OR9A4: variants seen among roughly 807,000 people sequenced by gnomAD.
OR9A4 encodes olfactory receptor family 9 subfamily A member 4.
OR9A4 carries 16 observed loss-of-function variants against 17.1 expected under a neutral mutation model. The observed-to-expected ratio is 0.94, with a 90% CI of 0.64 to 1.43. The LOEUF (loss-of-function observed/expected upper bound fraction) is 1.43. OR9A4 is among the 40% of genes most tolerant of loss of function. OR9A4 has a pLI of 0.00. For synonymous variants in OR9A4, 167 were observed against 143.3 expected, an observed-to-expected ratio of 1.17 and a Z score of -1.18; for missense variants, 392 against 382.1, an observed-to-expected ratio of 1.03 and a Z score of -0.22.
intron 1 of OR9A4, 137 bp from the exon 2 acceptor site, chr7:141,918,709 T>G (rs1231829140): frequency 1.7e-6 from 1 of 583,720 alleles, no homozygotes; most frequent in East Asian, 2.7e-5. Context: ...CTTCATGAAG[T>G]ATTTGACATC....
Position 141,918,957 on chromosome 7 carries a change from G to C in OR9A4, c.82G>C (p.Ala28Pro). The C allele has an allele frequency of 6.2e-7, 1 of 1,613,320 alleles. No homozygotes were observed. Among genetic ancestry groups the C allele is most frequent in the Non-Finnish European group, 8.5e-7 (1 of 1,179,798 alleles). Residue 28 changes from alanine to proline, a missense_variant, in exon 2 of 2, where the codon GCT becomes CCT. Physicochemically the swap from Ala to Pro is conservative, Grantham distance 27 (BLOSUM62 -1). Coordinates refer to ENST00000641559, the MANE Select transcript of OR9A4 (RefSeq NM_001001656.3). ...GSEELHHILFAIFFFFYLVTL... is the reference protein window; with the variant it reads ...GSEELHHILFPIFFFFYLVTL... ...TGAAGAACTACATCATATCCTTTTT[G>C]CTATATTCTTCTTTTTCTACTTGGT...
chr7:141,919,509 A>T lies in OR9A4; in HGVS notation c.634A>T (p.Ile212Phe). The T allele has an allele frequency of 6.2e-7, 1 of 1,613,836 alleles. No homozygotes were observed. The highest frequency in any genetic ancestry group is 8.5e-7 in the Non-Finnish European group (1 of 1,179,986). The change falls in exon 2 of 2, where the codon ATC becomes TTC. Residue 212 changes from isoleucine (I) to phenylalanine (F), a missense_variant. Physicochemically the swap from Ile to Phe is conservative, Grantham distance 21 (BLOSUM62 0). Transcript: ENST00000641559. The stretch of plus-strand genomic sequence containing the variant: ...TGTTTTTGTTCTCTTTGGTTCTTTG[A>T]TCCCTACAATTGTCTCCAACGCCTA... ...MAVFVLFGSL[I>F]PTIVSNAYII...
Position 141,919,962 on chromosome 7 carries a change from C to T in OR9A4, c.*142C>T. 1 of 650,144 alleles carries T rather than the reference C, an allele frequency of 1.5e-6. No individual in the cohort carries two copies. The highest frequency in any genetic ancestry group is 2.5e-6 in the Non-Finnish European group (1 of 403,078). 40.3% of individuals were successfully genotyped at this position (650,144 alleles called of 1,614,324 possible). A position where few individuals can be genotyped will look rare whatever the true frequency, so the allele number is the denominator to read the frequency against. On this transcript the variant is annotated 3_prime_UTR_variant, in exon 2 of 2. Coordinates refer to ENST00000641559, the MANE Select transcript of OR9A4 (RefSeq NM_001001656.3). ...CATGCAACAAAATACTTTTAAGTTA[C>T]AGCTACGGTTTTTAGTATGCTTAGT...
At chr7:141,918,247 C>T (rs1563069541) in intron 1 of OR9A4, among the ~76,000 whole-genome samples, 1 of 152,180 alleles carries the variant, frequency 6.6e-6, no homozygotes, top group South Asian at 2.1e-4. Context: ...GCTGGGATTA[C>T]AGGCGCGCAC....
At position 141,920,118 on chromosome 7, in the gene OR9A4, T is replaced by G. The variant is rs1046814350; in HGVS notation, c.*298T>G. 1.1e-5 allele frequency: 3 copies of G among 281,676 alleles called. No individual in the cohort carries two copies. Among genetic ancestry groups the G allele is most frequent in the Non-Finnish European group, 2.0e-5 (3 of 148,870 alleles). The allele number at this position is 281,676 out of a possible 1,614,324, so 17.4% of individuals were successfully genotyped here. On this transcript the variant is annotated 3_prime_UTR_variant, in exon 2 of 2. Transcript: ENST00000641559. ...GAAAAATTAAATGTCAGAGATAGAC[T>G]ATCTATATAGTCTAGAAAATAGACT...
At position 141,919,375 on chromosome 7, in the gene OR9A4, C is replaced by T. The variant is rs782782235; in HGVS notation, c.500C>T (p.Thr167Ile). The T allele has an allele frequency of 7.4e-6, 12 of 1,614,176 alleles. No individual in the cohort carries two copies. The highest frequency in any genetic ancestry group is 1.6e-4 in the Middle Eastern group (1 of 6,062). The stretch of plus-strand genomic sequence containing the variant: ...CCGGTCTATGTCATGTTTCAGCTTA[C>T]TTACTGCAAATCAAATGTGGTGAAC... ...IWPVYVMFQLTYCKSNVVNNF... is the reference protein window; with the variant it reads ...IWPVYVMFQLIYCKSNVVNNF... The change falls in exon 2 of 2, where the codon ACT becomes ATT. Residue 167 changes from threonine (T) to isoleucine (I), a missense_variant. Coordinates refer to ENST00000641559, the MANE Select transcript of OR9A4 (RefSeq NM_001001656.3).
At position 141,919,669 on chromosome 7, in the gene OR9A4, C is replaced by T. The variant is rs1584834414; in HGVS notation, c.794C>T (p.Thr265Met). ...TTTCTCTACGTGAAACCCAAGCAAA[C>T]GCAGGCAGCTGATTACAATTGGGTA... Reference protein sequence around the residue: ...CLFLYVKPKQTQAADYNWVVS... With the variant: ...CLFLYVKPKQMQAADYNWVVS... Residue 265 changes from threonine (T) to methionine (M), a missense_variant, in exon 2 of 2, where the codon ACG becomes ATG. Thr to Met is a moderately conservative substitution (Grantham distance 81, BLOSUM62 -1). Coordinates refer to ENST00000641559, the MANE Select transcript of OR9A4 (RefSeq NM_001001656.3). 6.2e-6 allele frequency: 10 copies of T among 1,614,138 alleles called. No homozygotes were observed. Among genetic ancestry groups the T allele is most frequent in the Non-Finnish European group, 8.5e-6 (10 of 1,180,030 alleles).
At chr7:141,918,772 G>T in intron 1 of OR9A4, 74 bp from the exon 2 acceptor site, 1 of 796,318 alleles carries the variant, frequency 1.3e-6, no homozygotes, top group Non-Finnish European at 2.1e-6. Context: ...GAGCAGGAGA[G>T]GAATGTTTTT....
intron 1 of OR9A4, among the ~76,000 whole-genome samples, chr7:141,918,389 G>A (rs552815039): frequency 6.6e-6 from 1 of 152,314 alleles, no homozygotes; most frequent in African/African-American, 2.4e-5. Flanking sequence ...ACAAGCGTGA[G>A]CCACCGCACC....
In OR9A4 at chr7:141,919,565, A is replaced by G. The variant is rs73529458; in HGVS notation, c.690A>G (p.Ser230=). 6,809 of 1,614,090 alleles carry G rather than the reference A, an allele frequency of 4.2e-3. 263 individuals are homozygous for G. The African/African-American group carries it at 0.08, about 19-fold the overall frequency. ...TCTCCACCATTCTCAAGATCCCGTC[A>G]TCCTCTGGCCGGAGGAAATCCTTCT... ...YIISTILKIP[S]SSGRRKSFST... is the part of the protein sequence containing the mutation. Residue 230 remains serine, a synonymous_variant, in exon 2 of 2, where the codon TCA becomes TCG. Coordinates refer to ENST00000641559, the MANE Select transcript of OR9A4 (RefSeq NM_001001656.3).
At chr7:141,917,271 T>C (rs1429051381) in intron 1 of OR9A4, among the ~76,000 whole-genome samples, 1 of 152,200 alleles carries the variant, frequency 6.6e-6, no homozygotes, top group Non-Finnish European at 1.5e-5. Context: ...ATGAAAAATG[T>C]AGCCTAACAC....
At position 141,920,453 on chromosome 7, in the gene OR9A4, A is replaced by G. The variant is rs1358531272; in HGVS notation, c.*633A>G. 1.3e-5 allele frequency: 2 copies of G among 152,290 alleles called. No individual in the cohort carries two copies. Among genetic ancestry groups the G allele is most frequent in the Admixed American group, 1.3e-4 (2 of 15,262 alleles). The allele number at this position is 152,290 out of a possible 1,614,324, so 9.4% of individuals were successfully genotyped here. ...AAGGATTGAGAGAGGTAAGGTGGTG[A>G]TACATTCGGAAACTTGTTAAAGAAC... is the stretch of plus-strand genomic sequence containing the variant. On this transcript the variant is annotated 3_prime_UTR_variant, in exon 2 of 2. Coordinates refer to ENST00000641559, the MANE Select transcript of OR9A4 (RefSeq NM_001001656.3).
In OR9A4 at chr7:141,919,623, A is replaced by G; in HGVS notation, c.748A>G (p.Ile250Val). The G allele has an allele frequency of 1.9e-6, 3 of 1,614,108 alleles. No homozygotes were observed. Among genetic ancestry groups the G allele is most frequent in the Non-Finnish European group, 2.5e-6 (3 of 1,180,026 alleles). ...TGCCTCCCACTTCACCTGTGTTGTG[A>G]TTGGCTACGGCAGCTGCTTGTTTCT... ...TCASHFTCVVIGYGSCLFLYV... is the reference protein window; with the variant it reads ...TCASHFTCVVVGYGSCLFLYV... Residue 250 changes from isoleucine to valine, a missense_variant, in exon 2 of 2, where the codon ATT (isoleucine) becomes GTT (valine). Coordinates refer to ENST00000641559, the MANE Select transcript of OR9A4 (RefSeq NM_001001656.3).
chr7:141,917,744 G>T (rs1467488849), intron 1 of OR9A4, among the ~76,000 whole-genome samples: 2 of 152,104 alleles, frequency 1.3e-5, no homozygotes, highest in African/African-American at 4.8e-5. Flanking sequence ...CCTCCTCTTT[G>T]TCATCTCATA....
chr7:141,917,353 AT>A (rs1277805159), intron 1 of OR9A4, among the ~76,000 whole-genome samples: 162 of 152,338 alleles, frequency 1.1e-3, no homozygotes, highest in African/African-American at 3.8e-3. Context: ...AAGAGGAAAC[AT>A]TTGAGCAAAT....
rs1802257071 is a variant in OR9A4 at position 141,920,053 on chromosome 7, C to T, written c.*233C>T. On this transcript the variant is annotated 3_prime_UTR_variant, in exon 2 of 2. Coordinates refer to ENST00000641559, the MANE Select transcript of OR9A4 (RefSeq NM_001001656.3). Reference sequence around the variant, plus strand: ...TGCTATCTAGCTATCTATCTATCATCTGCCTTTCTTAAGATATGATGATTT... The same window carrying T: ...TGCTATCTAGCTATCTATCTATCATTTGCCTTTCTTAAGATATGATGATTT... The T allele has an allele frequency of 4.6e-6, 2 of 436,122 alleles. No homozygotes were observed. The highest frequency in any genetic ancestry group is 3.9e-5 in the Admixed American group (1 of 25,652). The allele number at this position is 436,122 out of a possible 1,614,324, so 27.0% of individuals were successfully genotyped here.
At chr7:141,918,282 T>C (rs946847923) in intron 1 of OR9A4, among the ~76,000 whole-genome samples, 4 of 152,162 alleles carry the variant, frequency 2.6e-5, no homozygotes, top group African/African-American at 9.7e-5. Context: ...AATTTTTGTA[T>C]TTTTAGTAGA....
rs1283911970 is a variant in OR9A4 at position 141,919,876 on chromosome 7, C to A, written c.*56C>A. On this transcript the variant is annotated 3_prime_UTR_variant, in exon 2 of 2. Transcript: ENST00000641559. ...CACTTAGTATGGATTCTAGAATAAT[C>A]TGAAAAGAACTTGCTCATCTTTGAA... 6 of 1,299,364 alleles carry A rather than the reference C, an allele frequency of 4.6e-6. No homozygotes were observed. Among genetic ancestry groups the A allele is most frequent in the Non-Finnish European group, 6.4e-6 (6 of 937,442 alleles). 80.5% of individuals were successfully genotyped at this position (1,299,364 alleles called of 1,614,324 possible). A position where few individuals can be genotyped will look rare whatever the true frequency, so the allele number is the denominator to read the frequency against.
At position 141,919,404 on chromosome 7, in the gene OR9A4, T is replaced by G. The variant is rs1051330775; in HGVS notation, c.529T>G (p.Phe177Val). 2.5e-6 allele frequency: 4 copies of G among 1,614,060 alleles called. No individual in the cohort carries two copies. In the African/African-American group the frequency reaches 4.0e-5, roughly 16 times the overall value. ...CTGCAAATCAAATGTGGTGAACAAT[T>G]TTTTTTGTGACCGAGGGCAATTGCT... is the stretch of plus-strand genomic sequence containing the variant. ...TYCKSNVVNN[F>V]FCDRGQLLKL... The change falls in exon 2 of 2, where the codon TTT (phenylalanine) becomes GTT (valine). Residue 177 changes from phenylalanine (F) to valine (V), a missense_variant. By Grantham distance (50) the Phe-to-Val change is conservative. Coordinates refer to ENST00000641559, the MANE Select transcript of OR9A4 (RefSeq NM_001001656.3).
Sources: gnomAD v4.1 joint callset for allele counts (sites outside exome capture counted in the v4.1 genomes callset) on GRCh38, gnomAD v4.1.1 for gene constraint, MANE v1.5 for transcripts, NCBI Gene and HGNC (gene_info 2026-07-23, HGNC 2026-07-21) for gene names.